The following GNRH2 variants were observed in gnomAD, a reference collection of about 807,000 sequenced individuals.
GNRH2 encodes progonadoliberin-2.
Under a neutral mutation model 12.1 loss-of-function variants are expected in GNRH2, and 15 were observed. The observed-to-expected ratio is 1.24, with a 90% CI of 0.83 to 1.90. The LOEUF (loss-of-function observed/expected upper bound fraction) is 1.90. Among genes scored for constraint, GNRH2 ranks in the 40% most tolerant of loss-of-function variants. The pLI, the probability that GNRH2 is intolerant of heterozygous loss-of-function variation, is 0.00. For synonymous variants in GNRH2, 60 were observed against 62.0 expected (o/e 0.97, Z 0.15); for missense variants, 143 against 141.4 (o/e 1.01, Z -0.06).
At chr20:3,045,017 T>G (rs1218017721) in intron 3 of GNRH2, among the ~76,000 whole-genome samples, 181 bp downstream of exon 3, 5 of 152,198 alleles carry the variant, frequency 3.3e-5, no homozygotes, top group African/African-American at 1.2e-4. Flanking sequence ...CTGTCTGCTA[T>G]CCTTCCTATT....
chr20:3,045,724 C>T lies in GNRH2; in HGVS notation c.330C>T (p.Ser110=), dbSNP rs2148555866. The change falls in exon 4 of 4, where the codon TCC becomes TCT. Residue 110 remains serine (S), a synonymous_variant. Transcript: ENST00000359100. ...AGCCCCGCCCCGCCCCGCCATCCTC[C>T]AATAAAGTGTGAGGTTCTCCGAAGC... is the stretch of plus-strand genomic sequence containing the variant. The part of the protein sequence containing the change: ...AREPRPAPPS[S]NKV 1.9e-6 allele frequency: 3 copies of T among 1,599,054 alleles called. No individual in the cohort carries two copies. The highest frequency in any genetic ancestry group is 4.5e-5 in the East Asian group (2 of 44,420).
At position 3,045,667 on chromosome 20, in the gene GNRH2, G is replaced by C. The variant is rs748335284; in HGVS notation, c.292-19G>C. On this transcript the variant is annotated intron_variant, in intron 3 of 3. Coordinates refer to ENST00000359100, the MANE Select transcript of GNRH2 (RefSeq NM_178331.2). ...GAGACCAGTGTCCTGAGACATGACC[G>C]CCACCTCTCCCTCCGCAGACCGCAG... The C allele has an allele frequency of 2.5e-6, 4 of 1,604,616 alleles. No individual in the cohort carries two copies. In the South Asian group the frequency reaches 3.3e-5, roughly 13 times the overall value.
Position 3,045,716 on chromosome 20 carries a change from C to CCCCCCCCA in GNRH2, c.323_324insCCCCCCAC (p.Ser109ProfsTer?). 1 of 1,610,930 alleles carries CCCCCCCCA rather than the reference C, an allele frequency of 6.2e-7. No homozygotes were observed. The highest frequency in any genetic ancestry group is 8.5e-7 in the Non-Finnish European group (1 of 1,177,480). ...AGCCCGAGAGCCCCGCCCCGCCCCG[C>CCCCCCCCA]CATCCTCCAATAAAGTGTGAGGTTC... On this transcript the variant is annotated frameshift_variant, in exon 4 of 4. Transcript: ENST00000359100. LOFTEE classifies it high-confidence loss of function.
chr20:3,045,025 AT>A (rs1329214672), intron 3 of GNRH2, among the ~76,000 whole-genome samples, 189 bp downstream of exon 3: 1 of 152,102 alleles, frequency 6.6e-6, no homozygotes, highest in Non-Finnish European at 1.5e-5. Context: ...TATCCTTCCT[AT>A]TTCCCAGGAG....
At chr20:3,045,421 AAT>A (rs1406611860) in intron 3 of GNRH2, among the ~76,000 whole-genome samples, 2 of 152,206 alleles carry the variant, frequency 1.3e-5, no homozygotes, top group Non-Finnish European at 2.9e-5. Flanking sequence ...CCTATGAGGC[AAT>A]GTCTTACCGC....
At chr20:3,045,083 T>G (rs1485684589) in intron 3 of GNRH2, among the ~76,000 whole-genome samples, 1 of 152,180 alleles carries the variant, frequency 6.6e-6, no homozygotes, top group Admixed American at 6.5e-5. Context: ...CCAAAGTCAC[T>G]AGTAGACTAG....
At position 3,045,704 on chromosome 20, in the gene GNRH2, C is replaced by A; in HGVS notation, c.310C>A (p.Arg104Ser). The A allele has an allele frequency of 6.3e-7, 1 of 1,584,390 alleles. No individual in the cohort carries two copies. Among genetic ancestry groups the A allele is most frequent in the Non-Finnish European group, 8.6e-7 (1 of 1,156,680 alleles). ...TCCGCAGACCGCAGCCCGAGAGCCCCGCCCCGCCCCGCCATCCTCCAATAA... is the reference window on the plus strand; with the variant it reads ...TCCGCAGACCGCAGCCCGAGAGCCCAGCCCCGCCCCGCCATCCTCCAATAA... ...RTLLTAAREP[R>S]PAPPSSNKV Residue 104 changes from arginine (R) to serine (S), a missense_variant, in exon 4 of 4, where the codon CGC becomes AGC. Transcript: ENST00000359100.
chr20:3,044,120 TGGACCTGGACAAGTGGGAGGGCCCTC>T, intron 1 of GNRH2: 1 of 393,462 alleles, frequency 2.5e-6, no homozygotes, highest in Non-Finnish European at 4.7e-6. Flanking sequence ...GAAAGATGGA[TGGACCTGGACAAGTGGGAGGGCCCTC>T]AGAGCTGGCA....
chr20:3,044,868 A>G (rs773453546), intron 3 of GNRH2, 32 bp downstream of exon 3: 2 of 1,555,574 alleles, frequency 1.3e-6, no homozygotes, highest in Non-Finnish European at 1.8e-6. Context: ...CAGCATCAAG[A>G]CCAGCCACTG....
intron 3 of GNRH2, among the ~76,000 whole-genome samples, chr20:3,045,257 C>G (rs2148555126): frequency 6.6e-6 from 1 of 152,280 alleles, no homozygotes; most frequent in Non-Finnish European, 1.5e-5. Context: ...CAGGTGGTGA[C>G]TGACATGTGC....
chr20:3,044,621 C>T, intron 2 of GNRH2, 53 bp downstream of exon 2: 2 of 1,609,366 alleles, frequency 1.2e-6, no homozygotes, highest in Admixed American at 1.7e-5. Flanking sequence ...CGGGGGCTCC[C>T]CCACCCTCCT....
In GNRH2 at chr20:3,044,437, T is replaced by G. The variant is rs745586448; in HGVS notation, c.23T>G (p.Leu8Arg). Reference sequence around the variant, plus strand: ...GCCATGGCCAGCTCCAGGCGAGGCCTCCTGCTCCTGCTGCTGCTGACTGCC... The same window carrying G: ...GCCATGGCCAGCTCCAGGCGAGGCCGCCTGCTCCTGCTGCTGCTGACTGCC... MASSRRG[L>R]LLLLLLTAHL... The change falls in exon 2 of 4, where the codon CTC (leucine) becomes CGC (arginine). Residue 8 changes from leucine (L) to arginine (R), a missense_variant. By Grantham distance (102) the Leu-to-Arg change is moderately radical (BLOSUM62 -2). Coordinates refer to ENST00000359100, the MANE Select transcript of GNRH2 (RefSeq NM_178331.2). The G allele has an allele frequency of 7.4e-6, 12 of 1,613,444 alleles. No individual in the cohort carries two copies. The highest frequency in any genetic ancestry group is 1.0e-5 in the Non-Finnish European group (12 of 1,179,754).
At chr20:3,044,349 G>A in intron 1 of GNRH2, 59 bp from the exon 2 acceptor site, 1 of 1,422,482 alleles carries the variant, frequency 7.0e-7, no homozygotes, top group Non-Finnish European at 9.9e-7. Flanking sequence ...GGCCCTGGAG[G>A]AAGTAGGGGG....
chr20:3,044,540 G>A lies in GNRH2; in HGVS notation c.126G>A (p.Gln42=), dbSNP rs1176243580. 6.2e-7 allele frequency: 1 copy of A among 1,613,856 alleles called. No individual in the cohort carries two copies. Residue 42 remains glutamine, a synonymous_variant, in exon 2 of 4, where the codon CAG becomes CAA. Coordinates refer to ENST00000359100, the MANE Select transcript of GNRH2 (RefSeq NM_178331.2). ...GAAAGCGAGCCCTCAGCTCAGCCCA[G>A]GATCCCCAGAATGCCCTTAGGCCCC... ...PGGKRALSSA[Q]DPQNALRPPA...
At position 3,044,083 on chromosome 20, in the gene GNRH2, T is replaced by C. The variant is rs959079457; in HGVS notation, c.-7-325T>C. On this transcript the variant is annotated intron_variant, in intron 1 of 3. Transcript: ENST00000359100. ...TCAGGTCTCTGTTCCCCTCCAACTT[T>C]CTTCCACTTCTGGAAACTCCTTGAA... 2.7e-5 allele frequency: 8 copies of C among 301,336 alleles called. No individual in the cohort carries two copies. The East Asian group carries it at 3.6e-4, about 14-fold the overall frequency. 18.7% of individuals were successfully genotyped at this position (301,336 alleles called of 1,614,324 possible). A position where few individuals can be genotyped will look rare whatever the true frequency, so the allele number is the denominator to read the frequency against.
Position 3,044,522 on chromosome 20 carries a change from A to G in GNRH2, c.108A>G (p.Arg36=). ...WSHGWYPGGK[R]ALSSAQDPQN... ...ATGGCTGGTACCCTGGAGGAAAGCG[A>G]GCCCTCAGCTCAGCCCAGGATCCCC... The change falls in exon 2 of 4, where the codon CGA becomes CGG. Residue 36 remains arginine (R), a synonymous_variant. Transcript: ENST00000359100. 2 of 1,613,800 alleles carry G rather than the reference A, an allele frequency of 1.2e-6. No individual in the cohort carries two copies. The highest frequency in any genetic ancestry group is 1.7e-6 in the Non-Finnish European group (2 of 1,180,000).
intron 3 of GNRH2, among the ~76,000 whole-genome samples, chr20:3,045,339 C>G (rs991146727): frequency 6.6e-6 from 1 of 152,204 alleles, no homozygotes; most frequent in Non-Finnish European, 1.5e-5. Context: ...AAATGGTTTG[C>G]TACTGTTTTG....
At chr20:3,044,270 A>T in intron 1 of GNRH2, 138 bp from the exon 2 acceptor site, 1 of 659,642 alleles carries the variant, frequency 1.5e-6, no homozygotes, top group Non-Finnish European at 2.7e-6. Context: ...TGGGATGAGG[A>T]GCGGTGGCAG....
At chr20:3,044,367 G>T in intron 1 of GNRH2, 41 bp from the exon 2 acceptor site, 1 of 1,562,124 alleles carries the variant, frequency 6.4e-7, no homozygotes. Flanking sequence ...GGGATGTGGG[G>T]GTGAGGTAAG....
Sources: gnomAD v4.1 joint callset for allele counts (sites outside exome capture counted in the v4.1 genomes callset) on GRCh38, gnomAD v4.1.1 for gene constraint, MANE v1.5 for transcripts, NCBI Gene and HGNC (gene_info 2026-07-23, HGNC 2026-07-21) for gene names.